SLC40A1: variants seen among roughly 807,000 people sequenced by gnomAD.
The protein encoded by SLC40A1 is ferroportin.
Under a neutral mutation model 53.5 loss-of-function variants are expected in SLC40A1, and 16 were observed. The ratio of observed to expected loss-of-function variants is 0.30; its 90% CI spans 0.20 to 0.45. The LOEUF (loss-of-function observed/expected upper bound fraction) is 0.45, where lower values mean the gene tolerates loss of function less well. Among genes scored for constraint, SLC40A1 ranks in the 20% least tolerant of loss-of-function variants. The probability of loss-of-function intolerance (pLI) is 1.00; values close to 1 mark genes in which losing one functional copy is unlikely to be tolerated. For missense variants in SLC40A1, 545 were observed against 695.4 expected (o/e 0.78, Z 2.43); for synonymous variants, 247 against 253.2 (o/e 0.98, Z 0.23).
chr2:189,565,419 G>T lies in SLC40A1; in HGVS notation c.695C>A (p.Ala232Asp), dbSNP rs760236238. 7.6e-5 allele frequency: 122 copies of T among 1,614,116 alleles called. No homozygotes were observed. The highest frequency in any genetic ancestry group is 1.7e-4 in the Admixed American group (10 of 60,008). ...TTTAAGACCAGCTTTCACAGCTAGAGCTGGGGTTTTCTGGTAAACCTTCCA... is the reference window on the plus strand; with the variant it reads ...TTTAAGACCAGCTTTCACAGCTAGATCTGGGGTTTTCTGGTAAACCTTCCA... Reference protein sequence around the residue: ...LLWKVYQKTPALAVKAGLKEE... With the variant: ...LLWKVYQKTPDLAVKAGLKEE... The change falls in exon 6 of 8, where the codon GCT becomes GAT. Residue 232 changes from alanine (A) to aspartate (D), a missense_variant. This residue lies in a region of SLC40A1 where 107 missense variants were observed against 91.0 expected (regional missense o/e 1.18). Coordinates refer to ENST00000261024, the MANE Select transcript of SLC40A1 (RefSeq NM_014585.6).
intron 4 of SLC40A1, chr2:189,572,455 C>CTTTTTGGGAA (rs753057890): frequency 3.4e-5 from 10 of 290,974 alleles, no homozygotes; most frequent in Non-Finnish European, 5.9e-5. Flanking sequence ...GAAAAGTTAT[C>CTTTTTGGGAA]TGGTTGACAT....
chr2:189,580,551 G>C lies in SLC40A1; in HGVS notation c.-91C>G, dbSNP rs1179946574. 6.2e-7 allele frequency: 1 copy of C among 1,605,108 alleles called. No individual in the cohort carries two copies. The highest frequency in any genetic ancestry group is 8.5e-7 in the Non-Finnish European group (1 of 1,179,240). On this transcript the variant is annotated 5_prime_UTR_variant, in exon 1 of 8. Transcript: ENST00000261024. ...TTGTTAACAGGAGTGCAAGGAACTGGAGATAGCACCTCTAAAAACACAACA... is the reference window on the plus strand; with the variant it reads ...TTGTTAACAGGAGTGCAAGGAACTGCAGATAGCACCTCTAAAAACACAACA...
At chr2:189,572,002 A>C (rs542695670) in intron 4 of SLC40A1, among the ~76,000 whole-genome samples, 161 bp from the exon 5 acceptor site, 1 of 152,200 alleles carries the variant, frequency 6.6e-6, no homozygotes, top group Non-Finnish European at 1.5e-5. Context: ...ATGAAACTGA[A>C]TGAATACCAG....
At chr2:189,576,777 T>A (rs1306103010) in intron 2 of SLC40A1, among the ~76,000 whole-genome samples, 1 of 152,246 alleles carries the variant, frequency 6.6e-6, no homozygotes, top group African/African-American at 2.4e-5. Flanking sequence ...AGTTTTCTCT[T>A]TCTTAACATA....
intron 5 of SLC40A1, among the ~76,000 whole-genome samples, chr2:189,565,881 C>G (rs2030924406): frequency 6.6e-6 from 1 of 152,048 alleles, no homozygotes; most frequent in African/African-American, 2.4e-5. Flanking sequence ...TTTTTTTCAA[C>G]AAATATATCT....
intron 1 of SLC40A1, 126 bp from the exon 2 acceptor site, chr2:189,580,006 G>C (rs2031405150): frequency 1.1e-6 from 1 of 942,646 alleles, no homozygotes; most frequent in Non-Finnish European, 1.7e-6. Flanking sequence ...GACAAACCAC[G>C]TACATTTTAT....
chr2:189,563,292 A>C (rs2030815282), intron 7 of SLC40A1, among the ~76,000 whole-genome samples: 1 of 151,562 alleles, frequency 6.6e-6, no homozygotes, highest in African/African-American at 2.4e-5. Flanking sequence ...AAAAAAACAA[A>C]AAAAAAAACA....
At chr2:189,573,016 G>T in intron 3 of SLC40A1, 55 bp from the exon 4 acceptor site, 9 of 1,149,818 alleles carry the variant, frequency 7.8e-6, no homozygotes, top group Non-Finnish European at 1.2e-5. Flanking sequence ...CAGTGAGACT[G>T]TTCTTATCCA....
Position 189,580,752 on chromosome 2 carries a change from G to C in SLC40A1, c.-292C>G. The stretch of plus-strand genomic sequence containing the variant: ...AGCAGGTCGTCCGAGCCTAGCGGAC[G>C]CCCTGAGCCAGCTCTCTCCGCCGCC... On this transcript the variant is annotated 5_prime_UTR_variant, in exon 1 of 8. Coordinates refer to ENST00000261024, the MANE Select transcript of SLC40A1 (RefSeq NM_014585.6). 7.5e-7 allele frequency: 1 copy of C among 1,329,390 alleles called. No individual in the cohort carries two copies. The highest frequency in any genetic ancestry group is 9.6e-7 in the Non-Finnish European group (1 of 1,036,938). The allele number at this position is 1,329,390 out of a possible 1,614,324, so 82.3% of individuals were successfully genotyped here. A position where few individuals can be genotyped will look rare whatever the true frequency, so the allele number is the denominator to read the frequency against.
chr2:189,569,175 T>C (rs1205895850), intron 5 of SLC40A1, among the ~76,000 whole-genome samples: 2 of 152,270 alleles, frequency 1.3e-5, no homozygotes, highest in Non-Finnish European at 2.9e-5. Flanking sequence ...CCTTTTCTTT[T>C]ACCCTCAGTG....
intron 7 of SLC40A1, among the ~76,000 whole-genome samples, chr2:189,562,640 C>CCT (rs1414890932): frequency 6.6e-6 from 1 of 152,052 alleles, no homozygotes; most frequent in Non-Finnish European, 1.5e-5. Flanking sequence ...AGCTGTCTTG[C>CCT]CTGGAAATTA....
intron 5 of SLC40A1, among the ~76,000 whole-genome samples, chr2:189,566,487 A>C (rs946943760): frequency 6.6e-6 from 1 of 152,240 alleles, no homozygotes; most frequent in Non-Finnish European, 1.5e-5. Flanking sequence ...ATAGAGTAGC[A>C]GAGAAGGAAG....
At chr2:189,562,228 T>A in intron 7 of SLC40A1, 37 bp from the exon 8 acceptor site, 2 of 1,450,618 alleles carry the variant, frequency 1.4e-6, no homozygotes, top group South Asian at 1.2e-5. Flanking sequence ...TAGATTTTAG[T>A]TTACAGGCAT....
chr2:189,578,219 C>A lies in SLC40A1; in HGVS notation c.111+1594G>T, dbSNP rs139964165. On this transcript the variant is annotated intron_variant, in intron 2 of 7. Coordinates refer to ENST00000261024, the MANE Select transcript of SLC40A1 (RefSeq NM_014585.6). ...GAAAAAACATAAAAAGCATAATTAC[C>A]TAGTGTTAGAGACATTCCTCTTTTG... 92 of 993,896 alleles carry A rather than the reference C, an allele frequency of 9.3e-5. No individual in the cohort carries two copies. The East Asian group carries it at 2.0e-3, about 22-fold the overall frequency. 61.6% of individuals were successfully genotyped at this position (993,896 alleles called of 1,614,324 possible).
In SLC40A1 at chr2:189,564,097, C is replaced by T; in HGVS notation, c.889G>A (p.Asp297Asn). 2.5e-6 allele frequency: 4 copies of T among 1,610,696 alleles called. No individual in the cohort carries two copies. Among genetic ancestry groups the T allele is most frequent in the Non-Finnish European group, 3.4e-6 (4 of 1,177,886 alleles). The change falls in exon 7 of 8, where the codon GAT becomes AAT. Residue 297 changes from aspartate to asparagine, a missense_variant. Asp to Asn is a conservative substitution (Grantham distance 23, BLOSUM62 1). Transcript: ENST00000261024. ...TGGTTGTAGTAGGAGACCCATCCATCTCGGAAGGTACGGAAGGGCTCAGCC... is the reference window on the plus strand; with the variant it reads ...TGGTTGTAGTAGGAGACCCATCCATTTCGGAAGGTACGGAAGGGCTCAGCC... The part of the protein sequence containing the change: ...QMAEPFRTFR[D>N]GWVSYYNQPV...
chr2:189,568,299 T>A (rs897393047), intron 5 of SLC40A1, among the ~76,000 whole-genome samples: 4 of 151,922 alleles, frequency 2.6e-5, no homozygotes, highest in Non-Finnish European at 5.9e-5. Flanking sequence ...CAATCCTGGC[T>A]AACACAGTGA....
chr2:189,579,451 G>C (rs1050805347), intron 2 of SLC40A1, among the ~76,000 whole-genome samples: 3 of 152,222 alleles, frequency 2.0e-5, no homozygotes, highest in Non-Finnish European at 4.4e-5. Flanking sequence ...ATTTTAAAAT[G>C]TGAAGAAGAG....
chr2:189,578,129 C>T (rs974682188), intron 2 of SLC40A1: 1 of 825,450 alleles, frequency 1.2e-6, no homozygotes, highest in Non-Finnish European at 1.5e-6. Flanking sequence ...TACATATACA[C>T]ACACACATAA....
rs533203775 is a variant in SLC40A1 at position 189,560,896 on chromosome 2, A to G, written c.*982T>C. ...ATACTTTTATGAATATTCTTGCTGT[A>G]GAACAATGTAGAAATAACTTCTGGG... On this transcript the variant is annotated 3_prime_UTR_variant, in exon 8 of 8. Coordinates refer to ENST00000261024, the MANE Select transcript of SLC40A1 (RefSeq NM_014585.6). The G allele has an allele frequency of 6.6e-6, 1 of 152,468 alleles. No individual in the cohort carries two copies. Among genetic ancestry groups the G allele is most frequent in the African/African-American group, 2.4e-5 (1 of 41,594 alleles). The allele number at this position is 152,468 out of a possible 1,614,324, so 9.4% of individuals were successfully genotyped here. A position where few individuals can be genotyped will look rare whatever the true frequency, so the allele number is the denominator to read the frequency against.
Sources: allele counts gnomAD v4.1 joint callset (sites outside exome capture counted in the v4.1 genomes callset), GRCh38; gene constraint gnomAD v4.1.1; regional missense constraint gnomAD v4.1.1; transcripts MANE v1.5; gene names NCBI Gene and HGNC (gene_info 2026-07-23, HGNC 2026-07-21).